FAM3B: variants seen among roughly 807,000 people sequenced by gnomAD.
The protein encoded by FAM3B is protein FAM3B.
Under a neutral mutation model 28.4 loss-of-function variants are expected in FAM3B, and 29 were observed. The ratio of observed to expected loss-of-function variants is 1.02; its 90% CI spans 0.76 to 1.39. The LOEUF (loss-of-function observed/expected upper bound fraction) is 1.39, where lower values mean the gene tolerates loss of function less well. Among genes scored for constraint, FAM3B ranks in the 40% most tolerant of loss-of-function variants. FAM3B has a pLI of 0.00. For missense variants in FAM3B, 266 were observed against 293.9 expected (o/e 0.91, Z 0.69); for synonymous variants, 91 against 103.0 (o/e 0.88, Z 0.71).
At chr21:41,306,862 T>C (rs1274964403) in intron 1 of FAM3B, among the ~76,000 whole-genome samples, 1 of 152,242 alleles carries the variant, frequency 6.6e-6, no homozygotes, top group Admixed American at 6.5e-5. Context: ...CTGAATAGTG[T>C]ACATTGTATG....
At chr21:41,314,836 G>A (rs1287568523), upstream of FAM3B, among the ~76,000 whole-genome samples, 7 of 151,852 alleles carry the variant, frequency 4.6e-5, no homozygotes, top group Admixed American at 2.7e-4. Flanking sequence ...TGTGCACTGA[G>A]TGGGATTATA....
chr21:41,322,739 C>T (rs1386331669), intron 1 of FAM3B, 184 bp from the exon 2 acceptor site: 3 of 768,834 alleles, frequency 3.9e-6, no homozygotes, highest in Non-Finnish European at 7.0e-6. Context: ...TTCTCTGATA[C>T]TGTCTACTTC....
intron 3 of FAM3B, among the ~76,000 whole-genome samples, chr21:41,342,795 C>G (rs1162273439): frequency 3.3e-5 from 5 of 152,122 alleles, no homozygotes; most frequent in African/African-American, 1.2e-4. Context: ...ATTTAGAGTG[C>G]CTGTGAGTCT....
intron 2 of FAM3B, among the ~76,000 whole-genome samples, chr21:41,331,966 A>T (rs944913510): frequency 6.6e-6 from 1 of 152,058 alleles, no homozygotes; most frequent in Non-Finnish European, 1.5e-5. Context: ...GGTCATGGCA[A>T]TTTCGTTTGG....
In FAM3B at chr21:41,308,846, A is replaced by G. The variant is rs530397271; in HGVS notation, n.99+4536A>G. Among the ~76,000 whole-genome samples, 34 of 152,306 alleles carry G rather than the reference A, an allele frequency of 2.2e-4. 1 individual carries two copies. The highest frequency in any genetic ancestry group is 2.2e-3 in the Admixed American group (33 of 15,308). On this transcript the variant is annotated intron_variant and non_coding_transcript_variant, in intron 1 of 9. Transcript: ENST00000479810. ...GGTGCAAATAAACAGTGAAATGGTC[A>G]TCAGGTCCCAGGAGTAGGGTTGGGA...
chr21:41,322,825 C>T (rs1185379928), intron 1 of FAM3B, 98 bp from the exon 2 acceptor site: 3 of 1,594,818 alleles, frequency 1.9e-6, no homozygotes, highest in Non-Finnish European at 1.7e-6. Context: ...TCCCCTGACA[C>T]TGGGCCGGGA....
rs143421333 is a variant in FAM3B, at chr21:41,338,820, G to T, written c.287+319G>T. Among the ~76,000 whole-genome samples the T allele has an allele frequency of 3.8e-3, 573 of 152,300 alleles. 2 individuals carry two copies. The highest frequency in any genetic ancestry group is 6.8e-3 in the Middle Eastern group (2 of 294). On this transcript the variant is annotated intron_variant, in intron 3 of 7. Transcript: ENST00000357985. ...CGGGTGATGATAGACAAGTACTCTG[G>T]GATCTGAGTAGGGATCAGTATTGAT...
chr21:41,317,121 C>G (rs1020430634), intron 1 of FAM3B, among the ~76,000 whole-genome samples: 1 of 152,206 alleles, frequency 6.6e-6, no homozygotes, highest in African/African-American at 2.4e-5. Context: ...GACCCTGTTT[C>G]CCCGCGCTCG....
chr21:41,338,269 G>T (rs532977933), intron 2 of FAM3B, 109 bp from the exon 3 acceptor site: 26 of 1,346,468 alleles, frequency 1.9e-5, no homozygotes, highest in Non-Finnish European at 2.7e-5. Context: ...TTTTCCGACC[G>T]CTGCTTGGAG....
intron 1 of FAM3B, among the ~76,000 whole-genome samples, chr21:41,317,913 C>G (rs990215103): frequency 4.6e-5 from 7 of 152,128 alleles, no homozygotes; most frequent in Admixed American, 1.3e-4. Flanking sequence ...CTATAAATGA[C>G]ACTGTTTTCG....
chr21:41,329,359 A>C (rs905022337), intron 2 of FAM3B, among the ~76,000 whole-genome samples: 5 of 152,088 alleles, frequency 3.3e-5, no homozygotes, highest in African/African-American at 1.2e-4. Flanking sequence ...CCCACGGGGG[A>C]CGTGAATCCT....
intron 1 of FAM3B, among the ~76,000 whole-genome samples, chr21:41,307,746 T>C (rs1489489837): frequency 6.6e-6 from 1 of 152,218 alleles, no homozygotes; most frequent in Admixed American, 6.5e-5. Flanking sequence ...CACACATATA[T>C]GGATGAAGTT....
chr21:41,331,174 C>T (rs1381318765), intron 2 of FAM3B, among the ~76,000 whole-genome samples: 1 of 152,160 alleles, frequency 6.6e-6, no homozygotes, highest in African/African-American at 2.4e-5. Context: ...TTGCATTGCC[C>T]TGATTATTAG....
At chr21:41,340,407 C>A (rs2088994930) in intron 3 of FAM3B, among the ~76,000 whole-genome samples, 1 of 152,110 alleles carries the variant, frequency 6.6e-6, no homozygotes, top group Non-Finnish European at 1.5e-5. Flanking sequence ...CTGCCTCAGG[C>A]TCCCAAAGTG....
upstream of FAM3B, among the ~76,000 whole-genome samples, chr21:41,311,954 G>A (rs1172333182): frequency 1.3e-5 from 2 of 152,286 alleles, no homozygotes; most frequent in African/African-American, 4.8e-5. Flanking sequence ...TCATGTAGAT[G>A]GCAGCAGGCA....
upstream of FAM3B, among the ~76,000 whole-genome samples, chr21:41,313,709 G>A (rs972986049): frequency 6.7e-6 from 1 of 148,996 alleles, no homozygotes. Flanking sequence ...TATGCATGTC[G>A]CATTTGATCC....
intron 3 of FAM3B, among the ~76,000 whole-genome samples, chr21:41,341,022 A>G (rs919301002): frequency 6.6e-6 from 1 of 152,226 alleles, no homozygotes; most frequent in African/African-American, 2.4e-5. Context: ...ATGTGTGCAT[A>G]TGTGTATATA....
chr21:41,334,649 G>C (rs2088936861), intron 2 of FAM3B, among the ~76,000 whole-genome samples: 1 of 152,190 alleles, frequency 6.6e-6, no homozygotes, highest in African/African-American at 2.4e-5. Flanking sequence ...AGAAGCTGCT[G>C]CTGGGGCAGA....
Position 41,322,654 on chromosome 21 carries a change from G to A in FAM3B, c.20-269G>A, listed in dbSNP as rs1206632694. The A allele has an allele frequency of 3.1e-5, 22 of 718,332 alleles. No individual in the cohort carries two copies. The East Asian group carries it at 4.0e-4, about 13-fold the overall frequency. The allele number at this position is 718,332 out of a possible 1,614,324, so 44.5% of individuals were successfully genotyped here. A position where few individuals can be genotyped will look rare whatever the true frequency, so the allele number is the denominator to read the frequency against. ...TGCTTTGACATAAACGTTCAAGGACGTTTGTTGGTTAAGTTAAGACCTAAA... is the reference window on the plus strand; with the variant it reads ...TGCTTTGACATAAACGTTCAAGGACATTTGTTGGTTAAGTTAAGACCTAAA... On this transcript the variant is annotated intron_variant, in intron 1 of 7. Coordinates refer to ENST00000357985, the MANE Select transcript of FAM3B (RefSeq NM_058186.4).
Sources: allele counts gnomAD v4.1 joint callset (sites outside exome capture counted in the v4.1 genomes callset), GRCh38; gene constraint gnomAD v4.1.1; transcripts MANE v1.5; gene names NCBI Gene and HGNC (gene_info 2026-07-23, HGNC 2026-07-21).